PARD3B: variants seen among roughly 807,000 people sequenced by gnomAD.
PARD3B encodes the protein par-3 family cell polarity regulator beta.
A neutral mutation model predicts 130.2 loss-of-function variants in PARD3B; 103 were observed. The observed-to-expected ratio is 0.79, with a 90% CI of 0.67 to 0.93. The LOEUF (loss-of-function observed/expected upper bound fraction) is 0.93, where lower values mean the gene tolerates loss of function less well. PARD3B is among the 40% of genes least tolerant of loss of function. PARD3B has a pLI of 0.00. For synonymous variants in PARD3B, 583 were observed against 553.2 expected, an observed-to-expected ratio of 1.05 and a Z score of -0.76; for missense variants, 1,609 against 1,499.2, an observed-to-expected ratio of 1.07 and a Z score of -1.21.
intron 4 of PARD3B, among the ~76,000 whole-genome samples, chr2:205,057,919 T>A (rs1427908299): frequency 6.6e-6 from 1 of 151,648 alleles, no homozygotes; most frequent in Non-Finnish European, 1.5e-5. Flanking sequence ...TGTGGTAAAA[T>A]ATATATATTT....
In PARD3B at chr2:205,105,474, T is replaced by A. The variant is rs1480774452; in HGVS notation, c.593+960T>A. Among the ~76,000 whole-genome samples the A allele has an allele frequency of 1.3e-5, 2 of 152,234 alleles. No homozygotes were observed. The highest frequency in any genetic ancestry group is 2.9e-5 in the Non-Finnish European group (2 of 68,046). On this transcript the variant is annotated intron_variant, in intron 5 of 22. Coordinates refer to ENST00000406610, the MANE Select transcript of PARD3B (RefSeq NM_001302769.2). This position sits in a 1 kb window ranked among gnomAD's most constrained non-coding sequence, Gnocchi z 4.0. The stretch of plus-strand genomic sequence containing the variant: ...ATTATTCATGCAGTTGACGTATTCC[T>A]TTCATTTAGTCCAAACAATTAACAT...
chr2:205,003,013 C>T (rs904259211), intron 3 of PARD3B, among the ~76,000 whole-genome samples: 1 of 152,206 alleles, frequency 6.6e-6, no homozygotes, highest in African/African-American at 2.4e-5. Context: ...TGGAGCTTAA[C>T]AAGGACTTAA....
chr2:204,951,968 G>A (rs1373002518), intron 2 of PARD3B, among the ~76,000 whole-genome samples: 1 of 152,166 alleles, frequency 6.6e-6, no homozygotes, highest in African/African-American at 2.4e-5. Context: ...TAGTTTACAG[G>A]AATGCAACAA....
At chr2:205,465,820 G>T (rs1431344044) in intron 20 of PARD3B, among the ~76,000 whole-genome samples, 1 of 152,206 alleles carries the variant, frequency 6.6e-6, no homozygotes, top group Non-Finnish European at 1.5e-5. Context: ...CTGGAGAACA[G>T]TGATGTCCAA....
rs1008708790 is a variant in PARD3B at position 205,222,141 on chromosome 2, A to G, written c.2141-23637A>G. Among the ~76,000 whole-genome samples, 18 of 151,318 alleles carry G rather than the reference A, an allele frequency of 1.2e-4. No individual in the cohort carries two copies. The Admixed American group carries it at 1.2e-3, about 10-fold the overall frequency. On this transcript the variant is annotated intron_variant, in intron 15 of 22. Coordinates refer to ENST00000406610, the MANE Select transcript of PARD3B (RefSeq NM_001302769.2). The stretch of plus-strand genomic sequence containing the variant: ...AATCCCAGTAATTTTCTCATGAAAA[A>G]TACCCAGAAAGTTAATGAACTATTA...
chr2:205,199,924 C>A (rs2125822857), intron 15 of PARD3B, among the ~76,000 whole-genome samples: 1 of 151,608 alleles, frequency 6.6e-6, no homozygotes, highest in Non-Finnish European at 1.5e-5. Context: ...ATTCCAGAAA[C>A]AACTGGTAAT....
chr2:205,163,713 A>C (rs1229124485), intron 11 of PARD3B, among the ~76,000 whole-genome samples: 1 of 152,026 alleles, frequency 6.6e-6, no homozygotes, highest in African/African-American at 2.4e-5. Flanking sequence ...AAACTACTTA[A>C]CTCCAGTAGG....
Position 204,746,845 on chromosome 2 carries a change from T to G in PARD3B, c.222+60563T>G, listed in dbSNP as rs558699738. ...ATGGGGTTGTTTTTTTCTTGTAAATTTGTTTGAGTTCTTTGTAGATTCTGG... is the reference window on the plus strand; with the variant it reads ...ATGGGGTTGTTTTTTTCTTGTAAATGTGTTTGAGTTCTTTGTAGATTCTGG... On this transcript the variant is annotated intron_variant, in intron 2 of 22. Transcript: ENST00000406610. Among the ~76,000 whole-genome samples, 14 of 152,290 alleles carry G rather than the reference T, an allele frequency of 9.2e-5. No individual in the cohort carries two copies. The South Asian group carries it at 2.9e-3, about 32-fold the overall frequency.
intron 2 of PARD3B, among the ~76,000 whole-genome samples, chr2:204,827,068 T>C (rs1298675956): frequency 2.0e-5 from 3 of 152,230 alleles, no homozygotes; most frequent in South Asian, 2.1e-4. Context: ...TGTTCTACAA[T>C]GTGAAGCTCA....
rs887068812 is a variant in PARD3B, at chr2:204,943,989, T to C, written c.223-21163T>C. ...CAAAATTACATCACCTCAGGGAAAC[T>C]AAGTTAAGAACAACTCAAATGATTT... On this transcript the variant is annotated intron_variant, in intron 2 of 22. Coordinates refer to ENST00000406610, the MANE Select transcript of PARD3B (RefSeq NM_001302769.2). This position sits in a 1 kb window ranked among gnomAD's most constrained non-coding sequence, Gnocchi z 4.2. 8.5e-5 allele frequency among the ~76,000 whole-genome samples: 13 copies of C among 152,206 alleles called. No individual in the cohort carries two copies. Among genetic ancestry groups the C allele is most frequent in the Admixed American group, 8.5e-4 (13 of 15,294 alleles).
At chr2:204,889,456 C>A (rs897809540) in intron 2 of PARD3B, among the ~76,000 whole-genome samples, 1 of 152,084 alleles carries the variant, frequency 6.6e-6, no homozygotes, top group African/African-American at 2.4e-5. Context: ...GGAATGTGGA[C>A]CCATTATTCT....
chr2:204,677,283 C>T lies in PARD3B; in HGVS notation c.121-8898C>T, dbSNP rs536636837. Reference sequence around the variant, plus strand: ...GAATACTCCAAGTCTAGATTAAAAACAGGTAGCATTGGCCTTATTCAGAGG... The same window carrying T: ...GAATACTCCAAGTCTAGATTAAAAATAGGTAGCATTGGCCTTATTCAGAGG... On this transcript the variant is annotated intron_variant, in intron 1 of 22. Coordinates refer to ENST00000406610, the MANE Select transcript of PARD3B (RefSeq NM_001302769.2). This position sits in a 1 kb window ranked among gnomAD's most constrained non-coding sequence, Gnocchi z 4.1. Among the ~76,000 whole-genome samples, 1 of 152,136 alleles carries T rather than the reference C, an allele frequency of 6.6e-6. No homozygotes were observed. The highest frequency in any genetic ancestry group is 2.4e-5 in the African/African-American group (1 of 41,438).
chr2:205,123,343 G>T (rs2030984045), intron 8 of PARD3B, among the ~76,000 whole-genome samples: 1 of 152,170 alleles, frequency 6.6e-6, no homozygotes, highest in African/African-American at 2.4e-5. Flanking sequence ...AAAAGGTCAG[G>T]ATCTGGACTG....
chr2:204,694,073 G>A (rs1359256843), intron 2 of PARD3B, among the ~76,000 whole-genome samples: 6 of 151,926 alleles, frequency 3.9e-5, no homozygotes, highest in Admixed American at 1.3e-4. Context: ...AAATGATATC[G>A]TTCACATCGT....
intron 2 of PARD3B, among the ~76,000 whole-genome samples, chr2:204,774,824 G>A (rs1409746884): frequency 6.6e-6 from 1 of 151,964 alleles, no homozygotes; most frequent in Non-Finnish European, 1.5e-5. Context: ...TGTCTTCTTG[G>A]GTGTATTTCA....
rs1407760770 is a variant in PARD3B at position 205,618,291 on chromosome 2, C to T, written c.*2478C>T. The T allele has an allele frequency of 1.3e-5, 2 of 152,214 alleles. No homozygotes were observed. The highest frequency in any genetic ancestry group is 2.9e-5 in the Non-Finnish European group (2 of 68,050). The allele number at this position is 152,214 out of a possible 1,614,324, so 9.4% of individuals were successfully genotyped here. A position where few individuals can be genotyped will look rare whatever the true frequency, so the allele number is the denominator to read the frequency against. Reference sequence around the variant, plus strand: ...TTATATTTGTGACAGACAGAGGCTCCATCAAGCCAAGCAACAATTAACAGC... The same window carrying T: ...TTATATTTGTGACAGACAGAGGCTCTATCAAGCCAAGCAACAATTAACAGC... On this transcript the variant is annotated 3_prime_UTR_variant, in exon 23 of 23. Transcript: ENST00000406610.
chr2:204,979,654 A>G (rs942536520), intron 3 of PARD3B, among the ~76,000 whole-genome samples: 1 of 152,224 alleles, frequency 6.6e-6, no homozygotes, highest in African/African-American at 2.4e-5. Flanking sequence ...AAAGGTATAG[A>G]AACTGATTCA....
chr2:204,872,132 T>C (rs186254213), intron 2 of PARD3B, among the ~76,000 whole-genome samples: 7 of 152,244 alleles, frequency 4.6e-5, no homozygotes, highest in Admixed American at 4.6e-4. Context: ...ATTATTTTTG[T>C]TTTGTTTTCC....
intron 14 of PARD3B, among the ~76,000 whole-genome samples, chr2:205,190,567 A>T (rs2125799022): frequency 6.6e-6 from 1 of 152,324 alleles, no homozygotes; most frequent in South Asian, 2.1e-4. Flanking sequence ...CAGGCTGGCC[A>T]CCATTTCAGC....
Sources: gnomAD v4.1 joint callset for allele counts (sites outside exome capture counted in the v4.1 genomes callset) on GRCh38, gnomAD v4.1.1 for gene constraint, Gnocchi (gnomAD v3.1) non-coding constraint, MANE v1.5 for transcripts, NCBI Gene and HGNC (gene_info 2026-07-23, HGNC 2026-07-21) for gene names.